The following SPOCK1 variants were observed in gnomAD, a reference collection of about 807,000 sequenced individuals.
SPOCK1 encodes the protein testican-1.
Under a neutral mutation model 55.3 loss-of-function variants are expected in SPOCK1, and 23 were observed. The ratio of observed to expected loss-of-function variants is 0.42; its 90% CI spans 0.30 to 0.59. The LOEUF (loss-of-function observed/expected upper bound fraction) is 0.59, where lower values mean the gene tolerates loss of function less well. Ranked by LOEUF, SPOCK1 falls within the 20% of genes least tolerant of loss-of-function variation. SPOCK1 has a pLI of 0.22. For synonymous variants in SPOCK1, 226 were observed against 221.0 expected, an observed-to-expected ratio of 1.02 and a Z score of -0.20; for missense variants, 499 against 552.5, an observed-to-expected ratio of 0.90 and a Z score of 0.97.
Position 136,977,126 on chromosome 5 carries a change from A to G in SPOCK1, c.*1528T>C, listed in dbSNP as rs1750632346. The G allele has an allele frequency of 6.6e-6, 1 of 152,206 alleles. No homozygotes were observed. Among genetic ancestry groups the G allele is most frequent in the African/African-American group, 2.4e-5 (1 of 41,436 alleles). The allele number at this position is 152,206 out of a possible 1,614,324, so 9.4% of individuals were successfully genotyped here. On this transcript the variant is annotated 3_prime_UTR_variant, in exon 11 of 11. Coordinates refer to ENST00000394945, the MANE Select transcript of SPOCK1 (RefSeq NM_004598.4). ...GAAAATCAGTGGCGGACAGTAGCTTATAGACTGGTACTGAAGGAAATGGGG... is the reference window on the plus strand; with the variant it reads ...GAAAATCAGTGGCGGACAGTAGCTTGTAGACTGGTACTGAAGGAAATGGGG...
intron 2 of SPOCK1, among the ~76,000 whole-genome samples, chr5:137,451,148 A>G (rs1036950808): frequency 3.3e-5 from 5 of 152,192 alleles, no homozygotes; most frequent in African/African-American, 1.2e-4. Flanking sequence ...GCCACAGGGT[A>G]GATCACCTCT....
intron 2 of SPOCK1, among the ~76,000 whole-genome samples, chr5:137,401,812 C>T (rs1247538101): frequency 6.6e-6 from 1 of 152,004 alleles, no homozygotes; most frequent in Non-Finnish European, 1.5e-5. Flanking sequence ...ACAGCTTGCA[C>T]CAAGGAAAAT....
Position 137,001,773 on chromosome 5 carries a change from C to A in SPOCK1, c.590-9173G>T, listed in dbSNP as rs1751159085. Among the ~76,000 whole-genome samples, 3 of 152,192 alleles carry A rather than the reference C, an allele frequency of 2.0e-5. No individual in the cohort carries two copies. The South Asian group carries it at 6.2e-4, about 31-fold the overall frequency. The stretch of plus-strand genomic sequence containing the variant: ...CTATTTCTTCTCTTCCAAGGAGCTT[C>A]AGGGGCTGGGAGCACTTACCCTTGA... On this transcript the variant is annotated intron_variant, in intron 6 of 10. Coordinates refer to ENST00000394945, the MANE Select transcript of SPOCK1 (RefSeq NM_004598.4).
At chr5:137,111,548 T>C (rs1029872094) in intron 5 of SPOCK1, among the ~76,000 whole-genome samples, 2 of 152,164 alleles carry the variant, frequency 1.3e-5, no homozygotes, top group Non-Finnish European at 2.9e-5. Flanking sequence ...TTGTCGGATA[T>C]GAAAATGAAG....
chr5:137,393,820 T>C (rs1751782057), intron 2 of SPOCK1, among the ~76,000 whole-genome samples: 1 of 152,188 alleles, frequency 6.6e-6, no homozygotes, highest in Non-Finnish European at 1.5e-5. Flanking sequence ...TGTATACACA[T>C]AATAAACACT....
chr5:137,299,747 A>C (rs1053402112), intron 2 of SPOCK1, among the ~76,000 whole-genome samples: 3 of 152,144 alleles, frequency 2.0e-5, no homozygotes, highest in African/African-American at 7.2e-5. Flanking sequence ...CATTATTTCT[A>C]ATAAAGAGTC....
At chr5:137,450,347 T>C (rs936844586) in intron 2 of SPOCK1, among the ~76,000 whole-genome samples, 1 of 152,198 alleles carries the variant, frequency 6.6e-6, no homozygotes, top group Non-Finnish European at 1.5e-5. Context: ...TTCTTGTCCT[T>C]TTCAGCCCTG....
At chr5:137,426,409 G>A (rs1105716) in intron 2 of SPOCK1, among the ~76,000 whole-genome samples, 12,186 of 152,142 alleles carry the variant, frequency 0.08, 1,248 homozygotes, top group African/African-American at 0.24. Flanking sequence ...ACTCAGGTAC[G>A]GTATACTCTT....
intron 2 of SPOCK1, among the ~76,000 whole-genome samples, chr5:137,323,552 G>C (rs1193099763): frequency 6.7e-6 from 1 of 150,056 alleles, no homozygotes; most frequent in Non-Finnish European, 1.5e-5. Flanking sequence ...GGGCTCAACA[G>C]AAGGGGAAAA....
chr5:137,086,336 C>G (rs1752958927), intron 5 of SPOCK1, among the ~76,000 whole-genome samples: 3 of 152,212 alleles, frequency 2.0e-5, no homozygotes, highest in Admixed American at 2.0e-4. Flanking sequence ...GGGCTAGAAA[C>G]TGGACAAGGA....
chr5:137,463,648 A>G (rs1192644751), intron 2 of SPOCK1, among the ~76,000 whole-genome samples: 1 of 152,276 alleles, frequency 6.6e-6, no homozygotes, highest in African/African-American at 2.4e-5. Context: ...TTAATTGTAC[A>G]TTTAAAAATA....
intron 3 of SPOCK1, among the ~76,000 whole-genome samples, chr5:137,234,292 C>A (rs1344865240): frequency 6.6e-6 from 1 of 152,104 alleles, no homozygotes; most frequent in African/African-American, 2.4e-5. Flanking sequence ...CTGGGTTCAG[C>A]CTCTTACCCT....
At chr5:137,019,220 C>T (rs990689224) in intron 6 of SPOCK1, among the ~76,000 whole-genome samples, 1 of 152,128 alleles carries the variant, frequency 6.6e-6, no homozygotes, top group Non-Finnish European at 1.5e-5. Context: ...AAATGCTATA[C>T]TTGCTTGTGC....
chr5:137,352,614 G>A (rs1290747826), intron 2 of SPOCK1, among the ~76,000 whole-genome samples: 1 of 152,158 alleles, frequency 6.6e-6, no homozygotes, highest in East Asian at 1.9e-4. Flanking sequence ...ATGGTGGAAA[G>A]ACGCAGGAGG....
chr5:137,209,654 G>A (rs1372562844), intron 3 of SPOCK1, among the ~76,000 whole-genome samples: 7 of 152,096 alleles, frequency 4.6e-5, no homozygotes, highest in South Asian at 2.1e-4. Context: ...CTGAGAATTC[G>A]GTCTCAGCGT....
At chr5:137,399,142 G>A (rs1580904249) in intron 2 of SPOCK1, among the ~76,000 whole-genome samples, 1 of 152,182 alleles carries the variant, frequency 6.6e-6, no homozygotes, top group East Asian at 1.9e-4. Context: ...TCGAGTCACA[G>A]TAGCCTATGT....
chr5:136,985,413 TG>T (rs1028692730), intron 8 of SPOCK1, among the ~76,000 whole-genome samples: 6 of 152,318 alleles, frequency 3.9e-5, no homozygotes, highest in African/African-American at 1.4e-4. Flanking sequence ...AAATAGTATT[TG>T]GGGGCCACTT....
In SPOCK1 at chr5:136,976,843, T is replaced by C. The variant is rs1750623717; in HGVS notation, c.*1811A>G. 6.6e-6 allele frequency: 1 copy of C among 152,240 alleles called. No individual in the cohort carries two copies. The highest frequency in any genetic ancestry group is 2.1e-4 in the South Asian group (1 of 4,834). 9.4% of individuals were successfully genotyped at this position (152,240 alleles called of 1,614,324 possible). On this transcript the variant is annotated 3_prime_UTR_variant, in exon 11 of 11. Transcript: ENST00000394945. ...TATCTAAGACCAACTATAGGTATGA[T>C]GCTACTGTATTCAGGCAATGCCGAC...
intron 2 of SPOCK1, among the ~76,000 whole-genome samples, chr5:137,485,733 A>C (rs6872454): frequency 0.08 from 12,154 of 152,158 alleles, 836 homozygotes; most frequent in African/African-American, 0.19. Context: ...CACACACACA[A>C]AAAAAAGTAC....
Sources: gnomAD v4.1 joint callset for allele counts (sites outside exome capture counted in the v4.1 genomes callset) on GRCh38, gnomAD v4.1.1 for gene constraint, MANE v1.5 for transcripts, NCBI Gene and HGNC (gene_info 2026-07-23, HGNC 2026-07-21) for gene names.